Variants in ZNF695 observed in about 807,000 individuals in gnomAD.
ZNF695 encodes the protein zinc finger protein 695.
ZNF695 carries 11 observed loss-of-function variants against 11.2 expected under a neutral mutation model. The observed-to-expected ratio is 0.98, with a 90% CI of 0.62 to 1.62. The LOEUF (loss-of-function observed/expected upper bound fraction) is 1.62. ZNF695 is among the 40% of genes most tolerant of loss of function. The pLI is 0.00. For missense variants in ZNF695, 559 were observed against 590.5 expected (o/e 0.95, Z 0.55); for synonymous variants, 190 against 201.4 (o/e 0.94, Z 0.48).
chr1:246,991,427 G>GA (rs1234998446), intron 3 of ZNF695, among the ~76,000 whole-genome samples: 2 of 152,106 alleles, frequency 1.3e-5, no homozygotes, highest in South Asian at 2.1e-4. Flanking sequence ...AACTCTATAG[G>GA]AAAAAAATCT....
At chr1:246,995,138 C>T (rs930653020) in intron 3 of ZNF695, among the ~76,000 whole-genome samples, 1 of 152,062 alleles carries the variant, frequency 6.6e-6, no homozygotes, top group Non-Finnish European at 1.5e-5. Context: ...CTCAACAGCT[C>T]AGAAAACATT....
In ZNF695 at chr1:246,971,333, C is replaced by T. The variant is rs185987422; in HGVS notation, c.391-3541G>A. 1.7e-4 allele frequency among the ~76,000 whole-genome samples: 26 copies of T among 152,318 alleles called. No individual in the cohort carries two copies. The East Asian group carries it at 2.9e-3, about 17-fold the overall frequency. ...AGTTGTACAGGGCGGAACATGAAAG[C>T]GGGCCAGGAGTGTGACCGCTGAAGC... On this transcript the variant is annotated intron_variant, in intron 4 of 5. Transcript: ENST00000487338.
downstream of ZNF695, chr1:246,945,657 T>C (rs1667715697): frequency 1.3e-6 from 1 of 784,378 alleles, no homozygotes; most frequent in East Asian, 2.8e-5. Flanking sequence ...TCCTTTCATA[T>C]TCATCAGAAA....
Position 247,007,934 on chromosome 1 carries a change from T to C in ZNF695, c.-26A>G. ...TTCCCAGCTTTTGGGGGTCCCAGCG[T>C]CCTCCCTATAAATCTCGCAATACCT... On this transcript the variant is annotated 5_prime_UTR_variant, in exon 1 of 4. Transcript: ENST00000339986. The C allele has an allele frequency of 6.6e-7, 1 of 1,508,296 alleles. No individual in the cohort carries two copies. Among genetic ancestry groups the C allele is most frequent in the Non-Finnish European group, 8.9e-7 (1 of 1,119,494 alleles). 93.4% of individuals were successfully genotyped at this position (1,508,296 alleles called of 1,614,324 possible). A position where few individuals can be genotyped will look rare whatever the true frequency, so the allele number is the denominator to read the frequency against.
rs1668822275 is a variant in ZNF695 at position 246,985,467 on chromosome 1, A to G, written c.*1500T>C. 1 of 985,416 alleles carries G rather than the reference A, an allele frequency of 1.0e-6. No homozygotes were observed. 61.0% of individuals were successfully genotyped at this position (985,416 alleles called of 1,614,324 possible). On this transcript the variant is annotated 3_prime_UTR_variant, in exon 4 of 4. Coordinates refer to ENST00000339986, the MANE Select transcript of ZNF695 (RefSeq NM_020394.5). ...TTTAATGCCACTGGGAGAAGGGATC[A>G]TTAGAGATACTATTCCACCATGTTA... is the stretch of plus-strand genomic sequence containing the variant.
chr1:246,993,073 G>A (rs1669087253), intron 3 of ZNF695, among the ~76,000 whole-genome samples: 1 of 152,184 alleles, frequency 6.6e-6, no homozygotes, highest in South Asian at 2.1e-4. Flanking sequence ...GATATAACAA[G>A]TGATTACAGC....
At chr1:246,971,908 G>A (rs55858048) in intron 4 of ZNF695, among the ~76,000 whole-genome samples, 19,490 of 152,072 alleles carry the variant, frequency 0.13, 1,388 homozygotes, top group Middle Eastern at 0.17. Flanking sequence ...TACAGACGGG[G>A]TTTCACCATC....
chr1:246,970,378 AGTT>A, intron 4 of ZNF695, among the ~76,000 whole-genome samples: 1 of 152,232 alleles, frequency 6.6e-6, no homozygotes, highest in Middle Eastern at 3.4e-3. Flanking sequence ...GCAATTTTCG[AGTT>A]GTTGTGTAAG....
chr1:247,007,561 C>G (rs1382901577), intron 1 of ZNF695, among the ~76,000 whole-genome samples: 1 of 151,944 alleles, frequency 6.6e-6, no homozygotes, highest in African/African-American at 2.4e-5. Context: ...ACCCAGGAAC[C>G]TTTCACGGGA....
At chr1:246,976,252 C>T (rs1219784565) in intron 4 of ZNF695, among the ~76,000 whole-genome samples, 1 of 152,096 alleles carries the variant, frequency 6.6e-6, no homozygotes, top group Admixed American at 6.6e-5. Context: ...ACATGGGGGA[C>T]AGAACACAAG....
chr1:246,957,933 C>T (rs1185939702), intron 5 of ZNF695, among the ~76,000 whole-genome samples: 1 of 152,132 alleles, frequency 6.6e-6, no homozygotes, highest in African/African-American at 2.4e-5. Context: ...ATATTTATTA[C>T]TACATGCATC....
chr1:246,997,193 A>C (rs2818893), intron 3 of ZNF695, among the ~76,000 whole-genome samples: 137,543 of 152,052 alleles, frequency 0.9, 62,307 homozygotes, highest in East Asian at 1. Context: ...GAACCCATCT[A>C]TATAAAAAAT....
At chr1:246,973,190 C>T (rs1027172808) in intron 4 of ZNF695, among the ~76,000 whole-genome samples, 2 of 151,974 alleles carry the variant, frequency 1.3e-5, no homozygotes, top group Non-Finnish European at 2.9e-5. Context: ...GCTGGGATTA[C>T]AGGCATGCGC....
chr1:246,993,508 A>G (rs1451442845), intron 3 of ZNF695, among the ~76,000 whole-genome samples: 1 of 152,220 alleles, frequency 6.6e-6, no homozygotes, highest in Non-Finnish European at 1.5e-5. Context: ...AGCCTGGTCA[A>G]CTGGTGTCAG....
Position 246,985,857 on chromosome 1 carries a change from A to G in ZNF695, c.*1110T>C, listed in dbSNP as rs907765587. ...TCAGGAAGCTTACAATGCAATGTCCATAATCTTCCAAAGAAAAGGATATGA... is the reference window on the plus strand; with the variant it reads ...TCAGGAAGCTTACAATGCAATGTCCGTAATCTTCCAAAGAAAAGGATATGA... On this transcript the variant is annotated 3_prime_UTR_variant, in exon 4 of 4. Coordinates refer to ENST00000339986, the MANE Select transcript of ZNF695 (RefSeq NM_020394.5). 4.1e-6 allele frequency: 4 copies of G among 985,430 alleles called. No homozygotes were observed. Among genetic ancestry groups the G allele is most frequent in the Non-Finnish European group, 3.6e-6 (3 of 829,926 alleles). The allele number at this position is 985,430 out of a possible 1,614,324, so 61.0% of individuals were successfully genotyped here.
intron 3 of ZNF695, among the ~76,000 whole-genome samples, chr1:246,988,866 G>A (rs575853642): frequency 4.6e-5 from 7 of 151,982 alleles, no homozygotes; most frequent in South Asian, 2.1e-4. Context: ...CGAGACGGGC[G>A]GATCACGAGG....
intron 4 of ZNF695, among the ~76,000 whole-genome samples, chr1:246,970,703 A>G (rs903801405): frequency 1.6e-4 from 25 of 152,262 alleles, no homozygotes; most frequent in Admixed American, 2.0e-4. Context: ...GCCCTTGTTG[A>G]AGACTTAGGG....
At chr1:246,980,134 G>A (rs1038039089) in intron 4 of ZNF695, 23 of 140,496 alleles carry the variant, frequency 1.6e-4, no homozygotes, top group Admixed American at 5.3e-4. Flanking sequence ...TGCCAAGATC[G>A]CGCCACTGCA....
intron 5 of ZNF695, among the ~76,000 whole-genome samples, chr1:246,959,332 T>C (rs770277161): frequency 1.6e-5 from 1 of 62,736 alleles, no homozygotes; most frequent in Non-Finnish European, 3.0e-5. Context: ...TATATATATA[T>C]ATATATATAT....
Sources: gnomAD v4.1 joint callset for allele counts (sites outside exome capture counted in the v4.1 genomes callset) on GRCh38, gnomAD v4.1.1 for gene constraint, MANE v1.5 for transcripts, NCBI Gene and HGNC (gene_info 2026-07-23, HGNC 2026-07-21) for gene names.